The following GPC5 variants were observed in gnomAD, a reference collection of about 807,000 sequenced individuals.
GPC5 encodes glypican 5, also known as glypican-5.
Under a neutral mutation model 53.9 loss-of-function variants are expected in GPC5, and 47 were observed. The observed-to-expected ratio is 0.87, with a 90% confidence interval of 0.69 to 1.11. GPC5 has a LOEUF of 1.11. Ranked by LOEUF, GPC5 falls within the 50% of genes most tolerant of loss-of-function variation. The pLI, the probability that GPC5 is intolerant of heterozygous loss-of-function variation, is 0.00. For missense variants in GPC5, 748 were observed against 713.1 expected, an observed-to-expected ratio of 1.05 and a Z score of -0.56; for synonymous variants, 286 against 263.3, an observed-to-expected ratio of 1.09 and a Z score of -0.84.
intron 7 of GPC5, among the ~76,000 whole-genome samples, chr13:92,638,017 T>G (rs1472985551): frequency 1.3e-5 from 2 of 151,976 alleles, no homozygotes; most frequent in African/African-American, 4.8e-5. Flanking sequence ...AAAAAAACAG[T>G]GAATGTAATT....
chr13:92,090,996 C>T (rs999149082), intron 6 of GPC5, among the ~76,000 whole-genome samples: 2 of 152,098 alleles, frequency 1.3e-5, no homozygotes, highest in African/African-American at 4.8e-5. Flanking sequence ...AAGGCAGGAG[C>T]CTGTAGTCTA....
At chr13:92,028,537 T>C (rs2040817788) in intron 6 of GPC5, among the ~76,000 whole-genome samples, 1 of 152,198 alleles carries the variant, frequency 6.6e-6, no homozygotes, top group Non-Finnish European at 1.5e-5. Flanking sequence ...AAAAAGAATC[T>C]AAAATGTATT....
At chr13:92,628,654 A>G (rs1026495062) in intron 7 of GPC5, among the ~76,000 whole-genome samples, 1 of 152,008 alleles carries the variant, frequency 6.6e-6, no homozygotes, top group Non-Finnish European at 1.5e-5. Flanking sequence ...GTGGGCATGG[A>G]TTTCATCCCC....
intron 7 of GPC5, chr13:92,340,695 G>A (rs1228133819): frequency 2.0e-5 from 3 of 151,928 alleles, no homozygotes; most frequent in Admixed American, 2.0e-4. Context: ...AAACTGTTAA[G>A]ATATAAAATA....
intron 7 of GPC5, among the ~76,000 whole-genome samples, chr13:92,406,770 G>A (rs1489409168): frequency 6.6e-6 from 1 of 152,106 alleles, no homozygotes; most frequent in Admixed American, 6.5e-5. Flanking sequence ...AAATTTCAGA[G>A]TACTCAATAT....
intron 7 of GPC5, among the ~76,000 whole-genome samples, chr13:92,748,332 A>G (rs1011686581): frequency 1.4e-5 from 2 of 148,064 alleles, no homozygotes; most frequent in Non-Finnish European, 3.0e-5. Flanking sequence ...TATTATTATT[A>G]TTATTATTAT....
chr13:92,775,539 A>G (rs1875771300), intron 7 of GPC5, among the ~76,000 whole-genome samples: 1 of 152,194 alleles, frequency 6.6e-6, no homozygotes, highest in Non-Finnish European at 1.5e-5. Flanking sequence ...TAGAACTCAA[A>G]TTCAGGCTAG....
At chr13:91,792,872 C>T (rs1350000688) in intron 5 of GPC5, among the ~76,000 whole-genome samples, 5 of 152,134 alleles carry the variant, frequency 3.3e-5, no homozygotes, top group South Asian at 2.1e-4. Context: ...GTGGTTGCCG[C>T]GTGAGTCTCT....
chr13:91,748,240 A>T (rs964941844), intron 4 of GPC5, among the ~76,000 whole-genome samples: 1 of 152,204 alleles, frequency 6.6e-6, no homozygotes, highest in Admixed American at 6.5e-5. Context: ...GTGTCACTAC[A>T]TATTAATTTT....
chr13:92,820,209 C>T (rs1877627950), intron 7 of GPC5, among the ~76,000 whole-genome samples: 1 of 152,178 alleles, frequency 6.6e-6, no homozygotes, highest in African/African-American at 2.4e-5. Context: ...CCCCAGCCTG[C>T]TCTTTCTCTC....
chr13:92,631,470 A>G (rs1214114964), intron 7 of GPC5, among the ~76,000 whole-genome samples: 2 of 152,204 alleles, frequency 1.3e-5, no homozygotes, highest in Non-Finnish European at 2.9e-5. Context: ...ATTTGCTTTG[A>G]GAAACACAAC....
At chr13:91,524,433 TA>T (rs1479061015) in intron 2 of GPC5, among the ~76,000 whole-genome samples, 3 of 152,146 alleles carry the variant, frequency 2.0e-5, no homozygotes, top group Non-Finnish European at 4.4e-5. Context: ...TTTACCTATA[TA>T]TTTTTTTAAA....
intron 7 of GPC5, among the ~76,000 whole-genome samples, chr13:92,315,587 C>T (rs913348347): frequency 6.6e-6 from 1 of 152,052 alleles, no homozygotes; most frequent in Non-Finnish European, 1.5e-5. Flanking sequence ...CTACAAGTGT[C>T]TAGTTTAGTG....
chr13:92,541,138 A>G (rs1228901125), intron 7 of GPC5, among the ~76,000 whole-genome samples: 1 of 151,880 alleles, frequency 6.6e-6, no homozygotes, highest in African/African-American at 2.4e-5. Flanking sequence ...TTACAGTATT[A>G]AATAAATAGA....
intron 6 of GPC5, among the ~76,000 whole-genome samples, chr13:91,909,718 T>TA (rs575679818): frequency 1.3e-4 from 19 of 151,762 alleles, no homozygotes; most frequent in South Asian, 8.3e-4. Context: ...TGCACAGTTA[T>TA]AAAAAAAACA....
At chr13:91,888,847 A>C (rs565807489) in intron 5 of GPC5, among the ~76,000 whole-genome samples, 1 of 152,282 alleles carries the variant, frequency 6.6e-6, no homozygotes, top group South Asian at 2.1e-4. Context: ...AATATTCCTC[A>C]AACTTATTAA....
chr13:91,813,097 C>A (rs1214008323), intron 5 of GPC5, among the ~76,000 whole-genome samples: 1 of 152,158 alleles, frequency 6.6e-6, no homozygotes, highest in Non-Finnish European at 1.5e-5. Flanking sequence ...GGAAACAATT[C>A]TTATACTTGT....
intron 7 of GPC5, among the ~76,000 whole-genome samples, chr13:92,372,261 T>C (rs567755574): frequency 6.6e-6 from 1 of 152,322 alleles, no homozygotes; most frequent in East Asian, 1.9e-4. Context: ...AGCAGTAGAA[T>C]ACTGTTACAG....
At chr13:91,511,641 G>C (rs1885232940) in intron 2 of GPC5, among the ~76,000 whole-genome samples, 2 of 151,786 alleles carry the variant, frequency 1.3e-5, no homozygotes, top group South Asian at 4.1e-4. Context: ...TTTCCACTCT[G>C]ATATCAAGAC....
Sources: gnomAD v4.1 joint callset for allele counts (sites outside exome capture counted in the v4.1 genomes callset) on GRCh38, gnomAD v4.1.1 for gene constraint, MANE v1.5 for transcripts, NCBI Gene and HGNC (gene_info 2026-07-23, HGNC 2026-07-21) for gene names.